Variants in ARHGEF18 observed in about 807,000 individuals in gnomAD.
ARHGEF18 encodes Rho/Rac guanine nucleotide exchange factor 18, also known as rho guanine nucleotide exchange factor 18.
A neutral mutation model predicts 155.7 loss-of-function variants in ARHGEF18; 93 were observed. The observed-to-expected ratio is 0.60, with a 90% CI of 0.50 to 0.71. The LOEUF (loss-of-function observed/expected upper bound fraction) is 0.71. Among genes scored for constraint, ARHGEF18 ranks in the 30% least tolerant of loss-of-function variants. The pLI, the probability that ARHGEF18 is intolerant of heterozygous loss-of-function variation, is 0.00. For synonymous variants in ARHGEF18, 742 were observed against 753.1 expected, an observed-to-expected ratio of 0.99 and a Z score of 0.24; for missense variants, 1,593 against 1,816.1, an observed-to-expected ratio of 0.88 and a Z score of 2.23.
chr19:7,426,632 C>T (rs1329779060), intron 10 of ARHGEF18, among the ~76,000 whole-genome samples: 1 of 152,256 alleles, frequency 6.6e-6, no homozygotes, highest in East Asian at 1.9e-4. Flanking sequence ...CTCAGTTTTC[C>T]CCTTATGCAA....
intron 5 of ARHGEF18, among the ~76,000 whole-genome samples, chr19:7,378,002 A>C (rs763373258): frequency 4.3e-4 from 65 of 152,152 alleles, no homozygotes; most frequent in Non-Finnish European, 6.5e-4. Context: ...CTGAGACAGG[A>C]GACTTGCTTG....
chr19:7,361,427 G>A (rs1345061136), intron 1 of ARHGEF18, among the ~76,000 whole-genome samples: 1 of 151,964 alleles, frequency 6.6e-6, no homozygotes, highest in African/African-American at 2.4e-5. Flanking sequence ...AACAGAGTGA[G>A]GCTCTATCTC....
intron 16 of ARHGEF18, 112 bp from the exon 17 acceptor site, chr19:7,453,355 A>C: frequency 1.5e-6 from 2 of 1,345,914 alleles, no homozygotes. Flanking sequence ...ACACGCCCAT[A>C]CATAGTGTGT....
intron 7 of ARHGEF18, among the ~76,000 whole-genome samples, chr19:7,380,305 C>T (rs889474918): frequency 4.6e-5 from 7 of 151,432 alleles, no homozygotes; most frequent in South Asian, 2.1e-4. Context: ...GGTGAAACCC[C>T]GTCTCTACTA....
intron 14 of ARHGEF18, 146 bp from the exon 15 acceptor site, chr19:7,446,895 CAA>C (rs11329734): frequency 0.023 from 15,788 of 677,014 alleles, no homozygotes; most frequent in Admixed American, 0.029. Flanking sequence ...GATGCTGTCT[CAA>C]AAAAAAAAAA....
At chr19:7,398,606 G>A (rs1476732910) in intron 10 of ARHGEF18, among the ~76,000 whole-genome samples, 5 of 150,956 alleles carry the variant, frequency 3.3e-5, no homozygotes, top group African/African-American at 7.3e-5. Flanking sequence ...CAGGAGAATC[G>A]CTTGAACCCG....
chr19:7,459,554 C>A (rs1351551052), intron 19 of ARHGEF18, among the ~76,000 whole-genome samples: 2 of 152,174 alleles, frequency 1.3e-5, no homozygotes, highest in African/African-American at 4.8e-5. Context: ...CTTCCTGGTG[C>A]CTTAATCTGG....
chr19:7,392,366 G>A (rs1383058971), intron 10 of ARHGEF18, among the ~76,000 whole-genome samples: 1 of 151,880 alleles, frequency 6.6e-6, no homozygotes, highest in East Asian at 1.9e-4. Flanking sequence ...GGGGAGGGCT[G>A]TGTCCACCTG....
the ARHGEF18 span, among the ~76,000 whole-genome samples, chr19:7,479,345 G>A: frequency 2.6e-5 from 4 of 152,178 alleles, no homozygotes; most frequent in South Asian, 2.1e-4. Context: ...TTAGCTGGGG[G>A]TGGTGGTGGG....
chr19:7,358,276 T>C (rs1231520494), intron 1 of ARHGEF18, among the ~76,000 whole-genome samples: 8 of 147,088 alleles, frequency 5.4e-5, no homozygotes, highest in East Asian at 2.0e-4. Flanking sequence ...CATTCTTCCA[T>C]CCATCCATCC....
rs76925766 is a variant in ARHGEF18 at position 7,404,004 on chromosome 19, G to A, written c.967+20801G>A. 3.4e-3 allele frequency among the ~76,000 whole-genome samples: 520 copies of A among 151,582 alleles called. 1 individual carries two copies. The highest frequency in any genetic ancestry group is 0.012 in the African/African-American group (495 of 41,296). ...CACTTGAACCCGGGAGGCGGCGGAG[G>A]TTGTAGTCAGACGAGATTGAGCCAG... is the stretch of plus-strand genomic sequence containing the variant. On this transcript the variant is annotated intron_variant, in intron 10 of 28. Transcript: ENST00000668164.
chr19:7,458,440 G>A (rs1975990025), intron 18 of ARHGEF18, 72 bp from the exon 19 acceptor site: 5 of 1,455,572 alleles, frequency 3.4e-6, no homozygotes, highest in Non-Finnish European at 4.7e-6. Flanking sequence ...CCCTCACCAG[G>A]CCCTTGACCT....
intron 10 of ARHGEF18, among the ~76,000 whole-genome samples, chr19:7,428,885 CGTA>C (rs1973807042): frequency 6.6e-6 from 1 of 152,152 alleles, no homozygotes; most frequent in Admixed American, 6.5e-5. Flanking sequence ...GGGCTGAGCA[CGTA>C]GATCTGATGT....
chr19:7,367,761 A>ATATATATATATACACATATATATATTT (rs1568269902), intron 2 of ARHGEF18, among the ~76,000 whole-genome samples: 1 of 27,776 alleles, frequency 3.6e-5, no homozygotes. Context: ...AAAAAAAAAT[A>ATATATATATATACACATATATATATTT]TATATATATA....
At chr19:7,403,948 C>T (rs191622878) in intron 10 of ARHGEF18, among the ~76,000 whole-genome samples, 1 of 148,364 alleles carries the variant, frequency 6.7e-6, no homozygotes, top group African/African-American at 2.6e-5. Context: ...GCCTGTAATC[C>T]CAGCTACTGA....
rs768494322 is a variant in ARHGEF18 at position 7,470,144 on chromosome 19, C to T, written c.3932C>T (p.Pro1311Leu). 3.3e-5 allele frequency: 53 copies of T among 1,612,086 alleles called. 1 individual carries two copies. Among genetic ancestry groups the T allele is most frequent in the Non-Finnish European group, 3.6e-5 (43 of 1,179,674 alleles). The change falls in exon 29 of 29, where the codon CCG becomes CTG. Residue 1311 changes from proline (P) to leucine (L), a missense_variant. Pro to Leu is a moderately conservative substitution (Grantham distance 98). Coordinates refer to ENST00000668164, the MANE Select transcript of ARHGEF18 (RefSeq NM_001367823.1). The surrounding 1 kb of genome is among the most constrained non-coding windows in gnomAD (Gnocchi z 5.9). ...GTTCCAGACCCTGGCTTCCCCGCCC[C>T]GAGCCCACCGCCAGCTGACAGCCCC... ...APPPDPGFPA[P>L]SPPPADSPSE...
downstream of ARHGEF18, among the ~76,000 whole-genome samples, chr19:7,473,987 A>G (rs1471093571): frequency 6.6e-6 from 1 of 150,790 alleles, no homozygotes; most frequent in Non-Finnish European, 1.5e-5. Context: ...TGTCTATAAG[A>G]GCTTAAAAAA....
Position 7,462,278 on chromosome 19 carries a change from G to A in ARHGEF18, c.2579G>A (p.Gly860Glu), listed in dbSNP as rs1023127440. Residue 860 changes from glycine to glutamate, a missense_variant, in exon 21 of 29, where the codon GGG becomes GAG. Gly to Glu is a moderately conservative substitution (Grantham distance 98). Transcript: ENST00000668164. The surrounding 1 kb of genome is among the most constrained non-coding windows in gnomAD (Gnocchi z 4.4). ...LPQPRGLFRG[G>E]DPSETLQGEL... ...CAGCCCCGAGGCCTATTCCGTGGAG[G>A]GGACCCATCCGAGACCCTGCAGGGG... is the stretch of plus-strand genomic sequence containing the variant. 4 of 1,613,072 alleles carry A rather than the reference G, an allele frequency of 2.5e-6. No homozygotes were observed. In the African/African-American group the frequency reaches 4.0e-5, roughly 16 times the overall value.
Position 7,470,761 on chromosome 19 carries a change from G to A in ARHGEF18, c.*463G>A. 1 of 401,088 alleles carries A rather than the reference G, an allele frequency of 2.5e-6. No homozygotes were observed. The highest frequency in any genetic ancestry group is 4.4e-6 in the Non-Finnish European group (1 of 226,198). The allele number at this position is 401,088 out of a possible 1,614,324, so 24.8% of individuals were successfully genotyped here. On this transcript the variant is annotated 3_prime_UTR_variant, in exon 29 of 29. Coordinates refer to ENST00000668164, the MANE Select transcript of ARHGEF18 (RefSeq NM_001367823.1). The surrounding 1 kb of genome is among the most constrained non-coding windows in gnomAD (Gnocchi z 5.9). ...CCGCCGCGCGACAGTGGAGCCAAGG[G>A]TTAGGGCACCAGGAGGGGCCAGGTG...
Sources: allele counts gnomAD v4.1 joint callset (sites outside exome capture counted in the v4.1 genomes callset), GRCh38; gene constraint gnomAD v4.1.1; non-coding constraint Gnocchi (gnomAD v3.1); transcripts MANE v1.5; gene names NCBI Gene and HGNC (gene_info 2026-07-23, HGNC 2026-07-21).